The following NCAM2 variants were observed in gnomAD, a reference collection of about 807,000 sequenced individuals.
NCAM2 encodes N-CAM-2.
In NCAM2, 30 loss-of-function variants were observed where a neutral mutation model predicts 98.1. The ratio of observed to expected loss-of-function variants is 0.31; its 90% CI spans 0.23 to 0.41. NCAM2 has a LOEUF of 0.41. Among genes scored for constraint, NCAM2 ranks in the 10% least tolerant of loss-of-function variants. NCAM2 has a pLI of 1.00. For missense variants in NCAM2, 867 were observed against 1,005.8 expected, an observed-to-expected ratio of 0.86 and a Z score of 1.87; for synonymous variants, 368 against 342.4, an observed-to-expected ratio of 1.07 and a Z score of -0.83.
Position 21,301,996 on chromosome 21 carries a change from AC to A in NCAM2, c.619+9756del, listed in dbSNP as rs569313199. Among the ~76,000 whole-genome samples the A allele has an allele frequency of 2.8e-3, 394 of 143,160 alleles. 2 individuals carry two copies. The highest frequency in any genetic ancestry group is 9.9e-3 in the African/African-American group (377 of 38,242). The allele number at this position is 143,160 out of a possible 152,430, so 93.9% of individuals were successfully genotyped here. On this transcript the variant is annotated intron_variant, in intron 5 of 17. Transcript: ENST00000400546. ...GGAGAGGATGTGGAGAAATAGGAACACTTTTACACTGTTGGTGGGACTGTAA... is the reference window on the plus strand; with the variant it reads ...GGAGAGGATGTGGAGAAATAGGAACATTTTACACTGTTGGTGGGACTGTAA...
chr21:21,507,004 G>A (rs1484586501), intron 15 of NCAM2, among the ~76,000 whole-genome samples: 1 of 151,586 alleles, frequency 6.6e-6, no homozygotes, highest in Non-Finnish European at 1.5e-5. Flanking sequence ...AAGTTGCTGG[G>A]ATGAAGTGCC....
At chr21:21,332,999 A>T (rs528784939) in intron 6 of NCAM2, among the ~76,000 whole-genome samples, 1 of 152,306 alleles carries the variant, frequency 6.6e-6, no homozygotes, top group East Asian at 1.9e-4. Flanking sequence ...TGACCCCTAC[A>T]TTCTTGTACC....
At chr21:21,267,228 T>C (rs991893475) in intron 1 of NCAM2, among the ~76,000 whole-genome samples, 5 of 152,300 alleles carry the variant, frequency 3.3e-5, no homozygotes, top group Admixed American at 2.6e-4. Flanking sequence ...TTTCTTAGCA[T>C]TGATTGAGAA....
chr21:21,412,677 G>A (rs2076911611), intron 10 of NCAM2, among the ~76,000 whole-genome samples: 1 of 152,136 alleles, frequency 6.6e-6, no homozygotes, highest in Admixed American at 6.5e-5. Flanking sequence ...ACAGCCAGGT[G>A]ATCTGTTGGC....
At chr21:21,038,927 T>A (rs892036781) in intron 1 of NCAM2, among the ~76,000 whole-genome samples, 14 of 152,156 alleles carry the variant, frequency 9.2e-5, no homozygotes, top group African/African-American at 2.9e-4. Context: ...ATATGTATAA[T>A]CTTAGAATTG....
chr21:21,456,609 A>G (rs1272278153), intron 12 of NCAM2, among the ~76,000 whole-genome samples: 1 of 152,208 alleles, frequency 6.6e-6, no homozygotes, highest in Non-Finnish European at 1.5e-5. Flanking sequence ...CTCAAAATAG[A>G]TTAAAGACTT....
chr21:21,136,778 T>C (rs2826682), intron 1 of NCAM2, among the ~76,000 whole-genome samples: 56,607 of 151,452 alleles, frequency 0.37, 10,663 homozygotes, highest in East Asian at 0.41. Flanking sequence ...CTCTTTCTAA[T>C]TCTCTTTCTA....
intron 1 of NCAM2, among the ~76,000 whole-genome samples, chr21:21,108,420 C>T (rs2066392736): frequency 6.6e-6 from 1 of 152,034 alleles, no homozygotes; most frequent in Non-Finnish European, 1.5e-5. Flanking sequence ...TGAAGCTGTA[C>T]TGAAGCTGTC....
chr21:21,042,497 A>G (rs1201922616), intron 1 of NCAM2, among the ~76,000 whole-genome samples: 1 of 152,114 alleles, frequency 6.6e-6, no homozygotes, highest in African/African-American at 2.4e-5. Flanking sequence ...ATATTTTGAG[A>G]AATTAATTTA....
rs573589076 is a variant in NCAM2, at chr21:21,334,821, A to G, written c.738-684A>G. The stretch of plus-strand genomic sequence containing the variant: ...TTGGTTTTAAAGGACAACTTAGACT[A>G]GAATGGAGCAGAGTGAGATGTATTT... On this transcript the variant is annotated intron_variant, in intron 6 of 17. Transcript: ENST00000400546. 4.6e-5 allele frequency among the ~76,000 whole-genome samples: 7 copies of G among 152,248 alleles called. 1 individual carries two copies. In the South Asian group the frequency reaches 1.4e-3, roughly 32 times the overall value.
At chr21:21,366,958 G>C (rs1568985410) in intron 8 of NCAM2, among the ~76,000 whole-genome samples, 2 of 151,972 alleles carry the variant, frequency 1.3e-5, no homozygotes, top group Non-Finnish European at 2.9e-5. Flanking sequence ...AAACAATGCA[G>C]TCAATACTTA....
At chr21:21,357,532 A>T (rs1345768698) in intron 8 of NCAM2, among the ~76,000 whole-genome samples, 3 of 152,188 alleles carry the variant, frequency 2.0e-5, no homozygotes, top group Non-Finnish European at 2.9e-5. Context: ...CTGCACTTTT[A>T]AAAAAAGCTC....
At chr21:21,000,339 A>C (rs943103524) in intron 1 of NCAM2, among the ~76,000 whole-genome samples, 1 of 152,228 alleles carries the variant, frequency 6.6e-6, no homozygotes, top group African/African-American at 2.4e-5. Flanking sequence ...ATGCAGACTT[A>C]GGATTACATT....
chr21:21,498,040 A>G (rs1987367712), intron 15 of NCAM2, among the ~76,000 whole-genome samples: 1 of 152,158 alleles, frequency 6.6e-6, no homozygotes, highest in African/African-American at 2.4e-5. Context: ...GATTTTACAC[A>G]ATCTACATCA....
intron 8 of NCAM2, among the ~76,000 whole-genome samples, chr21:21,365,916 T>C (rs1036826984): frequency 4.6e-5 from 7 of 152,028 alleles, no homozygotes; most frequent in Admixed American, 4.6e-4. Flanking sequence ...AGTAGTGGGA[T>C]TGCTGTCTCG....
At chr21:21,068,141 T>TC (rs1422275302) in intron 1 of NCAM2, among the ~76,000 whole-genome samples, 1 of 144,112 alleles carries the variant, frequency 6.9e-6, no homozygotes, top group African/African-American at 2.6e-5. Context: ...TTTTCTTTTT[T>TC]TTTTTTTTTT....
intron 1 of NCAM2, among the ~76,000 whole-genome samples, chr21:21,072,780 A>G (rs542024288): frequency 6.6e-6 from 1 of 152,034 alleles, no homozygotes; most frequent in African/African-American, 2.4e-5. Context: ...TATATTTACA[A>G]TTTTTTAAAG....
rs77523132 is a variant in NCAM2, at chr21:21,284,697, A to G, written c.337+297A>G. Reference sequence around the variant, plus strand: ...GAATAGTGGTTTATTTAGTGGTATGATATTTATTCAGCATTTTTTTTTTCA... The same window carrying G: ...GAATAGTGGTTTATTTAGTGGTATGGTATTTATTCAGCATTTTTTTTTTCA... On this transcript the variant is annotated intron_variant, in intron 3 of 17. Coordinates refer to ENST00000400546, the MANE Select transcript of NCAM2 (RefSeq NM_004540.5). 9.2e-5 allele frequency among the ~76,000 whole-genome samples: 14 copies of G among 151,818 alleles called. No individual in the cohort carries two copies. The East Asian group carries it at 2.7e-3, about 29-fold the overall frequency.
chr21:21,145,877 T>C (rs2067261997), intron 1 of NCAM2, among the ~76,000 whole-genome samples: 1 of 152,138 alleles, frequency 6.6e-6, no homozygotes, highest in Non-Finnish European at 1.5e-5. Context: ...ACAATACTAC[T>C]GTACTTAAGG....
Sources: allele counts gnomAD v4.1 joint callset (sites outside exome capture counted in the v4.1 genomes callset), GRCh38; gene constraint gnomAD v4.1.1; transcripts MANE v1.5; gene names NCBI Gene and HGNC (gene_info 2026-07-23, HGNC 2026-07-21).